Variants in CDH4 observed in about 807,000 individuals in gnomAD.
CDH4 encodes cadherin 4.
Under a neutral mutation model 86.0 loss-of-function variants are expected in CDH4, and 33 were observed. The observed-to-expected ratio is 0.38, with a 90% CI of 0.29 to 0.51. The LOEUF is 0.51. Ranked by LOEUF, CDH4 falls within the 20% of genes least tolerant of loss-of-function variation. CDH4 has a pLI of 0.86. For missense variants in CDH4, 1,114 were observed against 1,307.4 expected (o/e 0.85, Z 2.28); for synonymous variants, 555 against 549.4 (o/e 1.01, Z -0.14).
rs953169903 is a variant in CDH4 at position 61,801,226 on chromosome 20, G to T, written c.576+28044G>T. On this transcript the variant is annotated intron_variant, in intron 4 of 15. Transcript: ENST00000614565. The stretch of plus-strand genomic sequence containing the variant: ...GTCTGCAGGCTGCAGCGGGAGAGCC[G>T]GCAGAAAGCAGGGTGGTCCCCCGAC... Among the ~76,000 whole-genome samples the T allele has an allele frequency of 2.0e-5, 3 of 152,148 alleles. No homozygotes were observed. In the East Asian group the frequency reaches 5.8e-4, roughly 29 times the overall value.
At position 61,873,731 on chromosome 20, in the gene CDH4, C is replaced by A; in HGVS notation, c.881C>A (p.Thr294Asn). 6.2e-7 allele frequency: 1 copy of A among 1,612,924 alleles called. No homozygotes were observed. Among genetic ancestry groups the A allele is most frequent in the Non-Finnish European group, 8.5e-7 (1 of 1,179,848 alleles). ...TGAGCTGCTGTCTCCGTTCCAGGCA[C>A]CTACGTGATGACCGTCACGGCCAAC... Reference protein sequence around the residue: ...GSVDEGSKPGTYVMTVTANDA... With the variant: ...GSVDEGSKPGNYVMTVTANDA... Residue 294 changes from threonine to asparagine, a missense_variant, in exon 7 of 16, where the codon ACC (threonine) becomes AAC (asparagine). Thr to Asn is a moderately conservative substitution (Grantham distance 65, BLOSUM62 0). Coordinates refer to ENST00000614565, the MANE Select transcript of CDH4 (RefSeq NM_001794.5).
intron 4 of CDH4, among the ~76,000 whole-genome samples, chr20:61,797,076 A>G (rs1186156762): frequency 2.7e-5 from 2 of 73,572 alleles, no homozygotes; most frequent in Non-Finnish European, 5.0e-5. Flanking sequence ...AGGCTGGGAC[A>G]GGAAGAGCCC....
intron 4 of CDH4, among the ~76,000 whole-genome samples, chr20:61,836,183 G>A (rs1019961339): frequency 2.0e-5 from 3 of 152,180 alleles, no homozygotes; most frequent in African/African-American, 7.2e-5. Context: ...GAGGCACGTC[G>A]GTTGTATTCC....
chr20:61,381,463 A>G (rs942858530), intron 2 of CDH4, among the ~76,000 whole-genome samples: 6 of 152,344 alleles, frequency 3.9e-5, no homozygotes, highest in African/African-American at 1.4e-4. Flanking sequence ...CCACTTAGCA[A>G]GGAGATTTTT....
At chr20:61,834,688 C>T (rs1322080190) in intron 4 of CDH4, among the ~76,000 whole-genome samples, 1 of 151,950 alleles carries the variant, frequency 6.6e-6, no homozygotes, top group Non-Finnish European at 1.5e-5. Context: ...GAACACGCTG[C>T]GCTACAGGTT....
intron 2 of CDH4, among the ~76,000 whole-genome samples, chr20:61,565,067 G>C (rs899099269): frequency 7.9e-6 from 1 of 126,220 alleles, no homozygotes; most frequent in Non-Finnish European, 1.7e-5. Flanking sequence ...TGCTCTTGGT[G>C]GTGGTGGTGG....
intron 2 of CDH4, among the ~76,000 whole-genome samples, chr20:61,324,771 G>C (rs2084527910): frequency 6.6e-6 from 1 of 152,198 alleles, no homozygotes; most frequent in South Asian, 2.1e-4. Context: ...TAGCGCCCAG[G>C]AAGAGTTGCC....
chr20:61,582,225 C>CT lies in CDH4; in HGVS notation c.170-161337dup, dbSNP rs1196771480. On this transcript the variant is annotated intron_variant, in intron 2 of 15. Coordinates refer to ENST00000614565, the MANE Select transcript of CDH4 (RefSeq NM_001794.5). This position sits in a 1 kb window ranked among gnomAD's most constrained non-coding sequence, Gnocchi z 4.2. ...CTCTGCAGCTTCTTCCTAATGCCGC[C>CT]TCCCCACCTCCAATCACAGAGGCAC... Among the ~76,000 whole-genome samples the CT allele has an allele frequency of 1.3e-5, 2 of 152,252 alleles. No individual in the cohort carries two copies. Among genetic ancestry groups the CT allele is most frequent in the Non-Finnish European group, 2.9e-5 (2 of 68,046 alleles).
intron 2 of CDH4, among the ~76,000 whole-genome samples, chr20:61,588,422 G>C (rs530667880): frequency 1.3e-4 from 20 of 152,302 alleles, no homozygotes; most frequent in Admixed American, 4.6e-4. Context: ...TGTTCAGCTC[G>C]TACCAAGGAC....
At chr20:61,875,750 TGC>T (rs1983994167) in intron 7 of CDH4, among the ~76,000 whole-genome samples, 1 of 152,182 alleles carries the variant, frequency 6.6e-6, no homozygotes, top group South Asian at 2.1e-4. Context: ...GCAGATGAGC[TGC>T]ACCTGGCCCT....
intron 2 of CDH4, among the ~76,000 whole-genome samples, chr20:61,635,142 T>C (rs2086933605): frequency 6.6e-6 from 1 of 152,132 alleles, no homozygotes; most frequent in African/African-American, 2.4e-5. Context: ...TCCTGTTCCT[T>C]ACGATGTCTG....
rs1231797343 is a variant in CDH4, at chr20:61,684,334, G to A, written c.170-59229G>A. Among the ~76,000 whole-genome samples the A allele has an allele frequency of 6.6e-6, 1 of 152,202 alleles. No individual in the cohort carries two copies. Among genetic ancestry groups the A allele is most frequent in the Non-Finnish European group, 1.5e-5 (1 of 68,022 alleles). On this transcript the variant is annotated intron_variant, in intron 2 of 15. Coordinates refer to ENST00000614565, the MANE Select transcript of CDH4 (RefSeq NM_001794.5). This position sits in a 1 kb window ranked among gnomAD's most constrained non-coding sequence, Gnocchi z 4.5. ...GCCCTGTGGGAAGAGCAGGGGGGCCGCCCAGCTAAGGAAGCAGCAAGCGCG... is the reference window on the plus strand; with the variant it reads ...GCCCTGTGGGAAGAGCAGGGGGGCCACCCAGCTAAGGAAGCAGCAAGCGCG...
intron 2 of CDH4, among the ~76,000 whole-genome samples, chr20:61,713,452 C>T (rs6061762): frequency 0.32 from 48,390 of 152,166 alleles, 10,293 homozygotes; most frequent in African/African-American, 0.59. Flanking sequence ...TTTAAAGGCA[C>T]TTTGGACACG....
rs28429590 is a variant in CDH4 at position 61,882,775 on chromosome 20, A to T, written c.1050+8875A>T. ...GGGAACGTGTCTGCGGAAGGGCTGG[A>T]TATTCCCGAGGGTTTCCCGGCACCC... On this transcript the variant is annotated intron_variant, in intron 7 of 15. Transcript: ENST00000614565. 3.8e-3 allele frequency among the ~76,000 whole-genome samples: 577 copies of T among 152,256 alleles called. 5 individuals carry two copies. The highest frequency in any genetic ancestry group is 0.014 in the African/African-American group (562 of 41,528).
At chr20:61,666,219 C>T (rs930510857) in intron 2 of CDH4, among the ~76,000 whole-genome samples, 2 of 152,224 alleles carry the variant, frequency 1.3e-5, no homozygotes, top group Non-Finnish European at 2.9e-5. Context: ...TGTTGCCACA[C>T]TTTGTCCAAC....
intron 2 of CDH4, among the ~76,000 whole-genome samples, chr20:61,631,528 C>G (rs2086888325): frequency 6.6e-6 from 1 of 152,138 alleles, no homozygotes; most frequent in South Asian, 2.1e-4. Flanking sequence ...GCCTATAATC[C>G]CAGCTACTCA....
intron 2 of CDH4, among the ~76,000 whole-genome samples, chr20:61,589,014 C>T (rs114459856): frequency 0.015 from 2,232 of 152,306 alleles, 47 homozygotes; most frequent in African/African-American, 0.042. Context: ...AGCCGTTTGA[C>T]GACAGATCAG....
At chr20:61,344,924 G>A (rs117900260) in intron 2 of CDH4, among the ~76,000 whole-genome samples, 3 of 152,174 alleles carry the variant, frequency 2.0e-5, no homozygotes, top group Non-Finnish European at 4.4e-5. Flanking sequence ...CAGGTTCTGC[G>A]CCGGCTATTG....
At chr20:61,836,262 G>A (rs1300725726) in intron 4 of CDH4, among the ~76,000 whole-genome samples, 3 of 152,178 alleles carry the variant, frequency 2.0e-5, no homozygotes, top group Non-Finnish European at 4.4e-5. Flanking sequence ...CAGAAGAGCC[G>A]GGAGAGTCTC....
Sources: gnomAD v4.1 joint callset for allele counts (sites outside exome capture counted in the v4.1 genomes callset) on GRCh38, gnomAD v4.1.1 for gene constraint, Gnocchi (gnomAD v3.1) non-coding constraint, MANE v1.5 for transcripts, NCBI Gene and HGNC (gene_info 2026-07-23, HGNC 2026-07-21) for gene names.